Variants in JAZF1 observed in about 807,000 individuals in gnomAD.
JAZF1 encodes JAZF zinc finger 1.
Under a neutral mutation model 26.4 loss-of-function variants are expected in JAZF1, and 8 were observed. The ratio of observed to expected loss-of-function variants is 0.30; its 90% CI spans 0.18 to 0.55. The LOEUF is 0.55. JAZF1 is among the 20% of genes least tolerant of loss of function. The probability of loss-of-function intolerance (pLI) is 0.94; values close to 1 mark genes in which losing one functional copy is unlikely to be tolerated. For synonymous variants in JAZF1, 126 were observed against 122.3 expected (o/e 1.03, Z -0.20); for missense variants, 199 against 322.0 (o/e 0.62, Z 2.92).
At chr7:27,867,561 G>A (rs746336929) in intron 3 of JAZF1, among the ~76,000 whole-genome samples, 11 of 152,164 alleles carry the variant, frequency 7.2e-5, no homozygotes, top group African/African-American at 2.2e-4. Flanking sequence ...CAGCAGTGTC[G>A]CTTTTACATA....
intron 1 of JAZF1, among the ~76,000 whole-genome samples, chr7:28,105,066 T>TA (rs992620269): frequency 2.0e-5 from 3 of 152,148 alleles, no homozygotes; most frequent in Non-Finnish European, 4.4e-5. Flanking sequence ...AATATGCCAG[T>TA]AACTCTAGGA....
At chr7:27,915,796 A>G (rs1784436865) in intron 2 of JAZF1, among the ~76,000 whole-genome samples, 2 of 152,318 alleles carry the variant, frequency 1.3e-5, no homozygotes, top group South Asian at 4.1e-4. Flanking sequence ...TATTATTAAT[A>G]CTCCATTTTG....
intron 2 of JAZF1, among the ~76,000 whole-genome samples, chr7:27,915,431 T>C (rs565347951): frequency 6.6e-6 from 1 of 152,340 alleles, no homozygotes; most frequent in Admixed American, 6.5e-5. Context: ...AATAGATCTT[T>C]CATGGGTTAT....
intron 2 of JAZF1, chr7:27,914,812 C>A (rs896646079): frequency 1.5e-5 from 7 of 471,086 alleles, no homozygotes; most frequent in African/African-American, 1.2e-4. Flanking sequence ...AATGTCCCTA[C>A]AGGAAACAGC....
At chr7:27,964,017 G>A (rs1785231098) in intron 2 of JAZF1, among the ~76,000 whole-genome samples, 1 of 152,258 alleles carries the variant, frequency 6.6e-6, no homozygotes, top group African/African-American at 2.4e-5. Flanking sequence ...TATAGTGATG[G>A]CAATTGTGAA....
At chr7:28,086,242 G>A (rs2127918885) in intron 1 of JAZF1, among the ~76,000 whole-genome samples, 1 of 152,258 alleles carries the variant, frequency 6.6e-6, no homozygotes, top group African/African-American at 2.4e-5. Flanking sequence ...TAAACATCTT[G>A]CCTCCCCAGT....
rs900628573 is a variant in JAZF1 at position 27,911,635 on chromosome 7, G to A, written c.189-16219C>T. Reference sequence around the variant, plus strand: ...TTGAATAGAAACATAAAATTTCCACGATCACAGAAAGTCCTATTGAGCAGT... The same window carrying A: ...TTGAATAGAAACATAAAATTTCCACAATCACAGAAAGTCCTATTGAGCAGT... On this transcript the variant is annotated intron_variant, in intron 2 of 4. Coordinates refer to ENST00000283928, the MANE Select transcript of JAZF1 (RefSeq NM_175061.4). 1.2e-4 allele frequency among the ~76,000 whole-genome samples: 18 copies of A among 152,106 alleles called. 1 individual carries two copies. Among genetic ancestry groups the A allele is most frequent in the Admixed American group, 1.0e-3 (16 of 15,276 alleles).
chr7:27,985,083 G>T (rs1187259928), intron 2 of JAZF1, among the ~76,000 whole-genome samples: 1 of 152,118 alleles, frequency 6.6e-6, no homozygotes, highest in Non-Finnish European at 1.5e-5. Flanking sequence ...GCTAGCAGAA[G>T]ACAAGAAATA....
At chr7:27,940,326 T>C (rs1260654987) in intron 2 of JAZF1, among the ~76,000 whole-genome samples, 3 of 152,092 alleles carry the variant, frequency 2.0e-5, no homozygotes, top group Non-Finnish European at 2.9e-5. Flanking sequence ...CCACCCCCCG[T>C]GATCAGCCTT....
At chr7:28,048,456 T>C (rs1241701247) in intron 1 of JAZF1, among the ~76,000 whole-genome samples, 3 of 152,186 alleles carry the variant, frequency 2.0e-5, no homozygotes, top group Non-Finnish European at 4.4e-5. Flanking sequence ...ACTTAGTCCA[T>C]TTATTTTCAG....
At chr7:27,986,087 A>T (rs182571257) in intron 2 of JAZF1, among the ~76,000 whole-genome samples, 5 of 152,348 alleles carry the variant, frequency 3.3e-5, no homozygotes, top group Admixed American at 6.5e-5. Context: ...ACTCCTATTC[A>T]ACATAGTGTT....
At chr7:27,995,800 C>G (rs922960396) in intron 1 of JAZF1, among the ~76,000 whole-genome samples, 2 of 152,116 alleles carry the variant, frequency 1.3e-5, no homozygotes, top group Non-Finnish European at 2.9e-5. Context: ...GTCCTAGTAA[C>G]TTATGGTTTT....
chr7:27,960,848 A>G (rs1785174282), intron 2 of JAZF1, among the ~76,000 whole-genome samples: 1 of 152,222 alleles, frequency 6.6e-6, no homozygotes, highest in Non-Finnish European at 1.5e-5. Context: ...TGGCAAGGGA[A>G]GCAGCAGAGG....
chr7:28,124,374 C>G (rs1288336537), intron 1 of JAZF1, among the ~76,000 whole-genome samples: 2 of 152,242 alleles, frequency 1.3e-5, no homozygotes, highest in Non-Finnish European at 2.9e-5. Flanking sequence ...TTAACGCCAA[C>G]TGGCCTGTGA....
At chr7:28,034,469 T>TACTCACAC (rs1783250018) in intron 1 of JAZF1, among the ~76,000 whole-genome samples, 1 of 145,290 alleles carries the variant, frequency 6.9e-6, no homozygotes, top group African/African-American at 2.5e-5. Context: ...AGAAAACTAA[T>TACTCACAC]ACACACACAC....
chr7:27,992,014 G>C, intron 1 of JAZF1, 33 bp from the exon 2 acceptor site: 1 of 1,335,276 alleles, frequency 7.5e-7, no homozygotes, highest in Non-Finnish European at 1.1e-6. Context: ...ATTTTTTTTA[G>C]ATTTTGCATC....
intron 1 of JAZF1, among the ~76,000 whole-genome samples, chr7:28,022,331 C>A (rs1028249139): frequency 6.6e-6 from 1 of 152,154 alleles, no homozygotes. Flanking sequence ...CAGAAAAAAT[C>A]TTTTCAAATT....
At chr7:28,035,313 CAAAAAAAA>C (rs201602870) in intron 1 of JAZF1, among the ~76,000 whole-genome samples, 18 of 27,456 alleles carry the variant, frequency 6.6e-4, no homozygotes, top group South Asian at 1.9e-3. Context: ...GACTCCATCT[CAAAAAAAA>C]AAAAAAAAAA....
At chr7:27,845,260 TG>T (rs1782997994) in intron 3 of JAZF1, among the ~76,000 whole-genome samples, 1 of 152,204 alleles carries the variant, frequency 6.6e-6, no homozygotes, top group Admixed American at 6.5e-5. Flanking sequence ...TGGGCATCTG[TG>T]GAGACACTGG....
Sources: gnomAD v4.1 joint callset for allele counts (sites outside exome capture counted in the v4.1 genomes callset) on GRCh38, gnomAD v4.1.1 for gene constraint, MANE v1.5 for transcripts, NCBI Gene and HGNC (gene_info 2026-07-23, HGNC 2026-07-21) for gene names.